The following KIF14 variants were observed in gnomAD, a reference collection of about 807,000 sequenced individuals.
KIF14 encodes kinesin-like protein KIF14.
KIF14 carries 98 observed loss-of-function variants against 176.2 expected under a neutral mutation model. That is an observed-to-expected ratio of 0.56 (90% CI 0.47 to 0.66). KIF14 has a LOEUF of 0.66. Among genes scored for constraint, KIF14 ranks in the 30% least tolerant of loss-of-function variants. The probability of loss-of-function intolerance (pLI) is 0.00; values close to 1 mark genes in which losing one functional copy is unlikely to be tolerated. For synonymous variants in KIF14, 566 were observed against 632.2 expected (o/e 0.90, Z 1.57); for missense variants, 1,751 against 1,920.4 (o/e 0.91, Z 1.65).
intron 23 of KIF14, among the ~76,000 whole-genome samples, chr1:200,567,985 T>C (rs1381395048): frequency 1.3e-5 from 2 of 152,182 alleles, no homozygotes; most frequent in East Asian, 3.8e-4. Flanking sequence ...ATTGTATTAA[T>C]GCATTCTAAA....
intron 26 of KIF14, 78 bp from the exon 27 acceptor site, chr1:200,559,530 A>G (rs967050545): frequency 1.3e-6 from 1 of 762,458 alleles, no homozygotes; most frequent in African/African-American, 1.8e-5. Context: ...GGTTTTATAT[A>G]TTTTAAATTA....
At chr1:200,567,941 A>G (rs1657560440) in intron 23 of KIF14, among the ~76,000 whole-genome samples, 1 of 152,178 alleles carries the variant, frequency 6.6e-6, no homozygotes, top group South Asian at 2.1e-4. Flanking sequence ...GTCATCGAGA[A>G]GAGTTAACTA....
At position 200,580,249 on chromosome 1, in the gene KIF14, C is replaced by T; in HGVS notation, c.3465+5G>A. 2.2e-6 allele frequency: 3 copies of T among 1,357,022 alleles called. No individual in the cohort carries two copies. The highest frequency in any genetic ancestry group is 3.8e-5 in the South Asian group (2 of 52,114). 84.1% of individuals were successfully genotyped at this position (1,357,022 alleles called of 1,614,324 possible). Reference sequence around the variant, plus strand: ...ATTTATAGAGATTTTAATAATATTCCAAACCTCATAAAGTTCTTTCATTGC... The same window carrying T: ...ATTTATAGAGATTTTAATAATATTCTAAACCTCATAAAGTTCTTTCATTGC... On this transcript the variant is annotated splice_donor_5th_base_variant and intron_variant, in intron 21 of 29. Transcript: ENST00000367350.
intron 2 of KIF14, among the ~76,000 whole-genome samples, chr1:200,616,719 T>A (rs915735349): frequency 2.6e-5 from 4 of 152,214 alleles, no homozygotes; most frequent in Non-Finnish European, 4.4e-5. Context: ...AACAACTACA[T>A]TAAAATATTT....
intron 21 of KIF14, among the ~76,000 whole-genome samples, chr1:200,578,389 A>T (rs1658250018): frequency 6.6e-6 from 1 of 152,162 alleles, no homozygotes; most frequent in Non-Finnish European, 1.5e-5. Context: ...AGTAGTATAT[A>T]GTTCCATATG....
intron 25 of KIF14, among the ~76,000 whole-genome samples, chr1:200,563,506 A>G (rs1039539143): frequency 6.6e-6 from 1 of 152,086 alleles, no homozygotes; most frequent in African/African-American, 2.4e-5. Context: ...CTGGGACCAC[A>G]GGTACATGCC....
chr1:200,589,997 T>C, intron 17 of KIF14, 128 bp downstream of exon 17: 1 of 953,234 alleles, frequency 1.0e-6, no homozygotes, highest in East Asian at 2.4e-5. Flanking sequence ...CAAGACTCAC[T>C]GTGGCTTTGA....
Position 200,598,097 on chromosome 1 carries a change from T to C in KIF14, c.2549+140A>G, listed in dbSNP as rs1034926250. The stretch of plus-strand genomic sequence containing the variant: ...TCATCCTTATAACACACTCAGAATG[T>C]ATGTTTTTCCTGACTAAACAATGGG... On this transcript the variant is annotated intron_variant, in intron 14 of 29. Transcript: ENST00000367350. 20 of 673,718 alleles carry C rather than the reference T, an allele frequency of 3.0e-5. No homozygotes were observed. In the South Asian group the frequency reaches 3.8e-4, roughly 13 times the overall value. 41.7% of individuals were successfully genotyped at this position (673,718 alleles called of 1,614,324 possible). A position where few individuals can be genotyped will look rare whatever the true frequency, so the allele number is the denominator to read the frequency against.
intron 23 of KIF14, among the ~76,000 whole-genome samples, chr1:200,568,401 C>T (rs1279420939): frequency 6.6e-6 from 1 of 152,074 alleles, no homozygotes; most frequent in Non-Finnish European, 1.5e-5. Context: ...GTAGTAGGAT[C>T]ATAATTATCT....
At chr1:200,603,378 A>G (rs1305119527) in intron 9 of KIF14, 37 bp from the exon 10 acceptor site, 1 of 923,476 alleles carries the variant, frequency 1.1e-6, no homozygotes, top group Non-Finnish European at 1.7e-6. Context: ...AACTTAAAAT[A>G]CTTCTCAGCA....
At chr1:200,609,542 G>A (rs542256854) in intron 4 of KIF14, among the ~76,000 whole-genome samples, 8 of 152,270 alleles carry the variant, frequency 5.3e-5, no homozygotes, top group African/African-American at 1.4e-4. Context: ...CCAGGTACTC[G>A]GGAGGCTGAG....
intron 29 of KIF14, 132 bp from the exon 30 acceptor site, chr1:200,553,899 T>C: frequency 1.2e-6 from 1 of 854,964 alleles, no homozygotes; most frequent in East Asian, 2.6e-5. Flanking sequence ...TACTTAAGAT[T>C]AGTCAACTAA....
chr1:200,590,194 C>T lies in KIF14; in HGVS notation c.2892G>A (p.Met964Ile). Reference sequence around the variant, plus strand: ...TTTGAGAAGAAAGCTCTTGCTGAGCCATTTCTTTTGCAATCTGGATTCCTT... The same window carrying T: ...TTTGAGAAGAAAGCTCTTGCTGAGCTATTTCTTTTGCAATCTGGATTCCTT... Reference protein sequence around the residue: ...MMQGIQIAKEMAQQELSSQKA... With the variant: ...MMQGIQIAKEIAQQELSSQKA... The change falls in exon 17 of 30, where the codon ATG (methionine) becomes ATA (isoleucine). Residue 964 changes from methionine (M) to isoleucine (I), a missense_variant. By Grantham distance (10) the Met-to-Ile change is conservative. Transcript: ENST00000367350. The T allele has an allele frequency of 6.2e-7, 1 of 1,613,772 alleles. No individual in the cohort carries two copies. The highest frequency in any genetic ancestry group is 8.5e-7 in the Non-Finnish European group (1 of 1,179,942).
intron 22 of KIF14, among the ~76,000 whole-genome samples, chr1:200,575,297 C>T (rs767344566): frequency 3.9e-5 from 6 of 151,920 alleles, no homozygotes; most frequent in East Asian, 1.9e-4. Context: ...TTCATTTTTA[C>T]GGAAAATTTA....
chr1:200,619,437 C>T (rs967036287), intron 1 of KIF14, among the ~76,000 whole-genome samples: 5 of 152,120 alleles, frequency 3.3e-5, no homozygotes, highest in African/African-American at 1.2e-4. Context: ...GCTGCAACCT[C>T]CTCCTCCTGT....
chr1:200,574,139 G>C (rs558603171), intron 22 of KIF14, among the ~76,000 whole-genome samples: 1 of 152,284 alleles, frequency 6.6e-6, no homozygotes, highest in South Asian at 2.1e-4. Context: ...ATAAGGCTTA[G>C]TAAGCATTTA....
intron 23 of KIF14, among the ~76,000 whole-genome samples, 186 bp from the exon 24 acceptor site, chr1:200,565,855 GTTGTAC>G (rs1558050140): frequency 6.6e-6 from 1 of 152,150 alleles, no homozygotes; most frequent in African/African-American, 2.4e-5. Flanking sequence ...CGTATGCTAT[GTTGTAC>G]TTGTAAGTAT....
At chr1:200,571,079 A>C (rs1404548829) in intron 22 of KIF14, among the ~76,000 whole-genome samples, 1 of 152,190 alleles carries the variant, frequency 6.6e-6, no homozygotes, top group South Asian at 2.1e-4. Flanking sequence ...GAAGTGCAGC[A>C]GTGGTACAAA....
intron 22 of KIF14, among the ~76,000 whole-genome samples, chr1:200,573,660 A>G (rs1657950863): frequency 6.6e-6 from 1 of 152,112 alleles, no homozygotes; most frequent in Non-Finnish European, 1.5e-5. Context: ...AATGCTTGCT[A>G]TGTATTAGCA....
Sources: gnomAD v4.1 joint callset for allele counts (sites outside exome capture counted in the v4.1 genomes callset) on GRCh38, gnomAD v4.1.1 for gene constraint, MANE v1.5 for transcripts, NCBI Gene and HGNC (gene_info 2026-07-23, HGNC 2026-07-21) for gene names.